Variants in FER observed in about 807,000 individuals in gnomAD.
FER encodes tyrosine-protein kinase Fer.
FER carries 63 observed loss-of-function variants against 111.0 expected under a neutral mutation model. That is an observed-to-expected ratio of 0.57 (90% confidence interval 0.46 to 0.70). The LOEUF is 0.70. Ranked by LOEUF, FER falls within the 30% of genes least tolerant of loss-of-function variation. FER has a pLI of 0.00. For synonymous variants in FER, 327 were observed against 313.9 expected, an observed-to-expected ratio of 1.04 and a Z score of -0.44; for missense variants, 914 against 954.0, an observed-to-expected ratio of 0.96 and a Z score of 0.55.
chr5:108,933,986 A>G (rs1357282959), intron 10 of FER, among the ~76,000 whole-genome samples: 2 of 152,146 alleles, frequency 1.3e-5, no homozygotes, highest in Admixed American at 1.3e-4. Context: ...TATCAGCTTA[A>G]GGAGATTTTG....
At chr5:108,817,768 G>C (rs1758432741) in intron 3 of FER, among the ~76,000 whole-genome samples, 1 of 152,116 alleles carries the variant, frequency 6.6e-6, no homozygotes, top group Non-Finnish European at 1.5e-5. Context: ...GGGCAAGAAA[G>C]GACTAATATG....
intron 10 of FER, among the ~76,000 whole-genome samples, chr5:108,926,682 T>C (rs958247887): frequency 6.6e-6 from 1 of 152,216 alleles, no homozygotes; most frequent in African/African-American, 2.4e-5. Flanking sequence ...GTACTTTTCA[T>C]TGTCAGTCTG....
At chr5:108,763,155 TAAG>T (rs1751950218) in intron 1 of FER, among the ~76,000 whole-genome samples, 1 of 150,840 alleles carries the variant, frequency 6.6e-6, no homozygotes, top group Non-Finnish European at 1.5e-5. Flanking sequence ...AATTAATAAA[TAAG>T]AAAAAAAAAA....
intron 17 of FER, among the ~76,000 whole-genome samples, chr5:109,105,684 A>G (rs977008836): frequency 1.3e-5 from 2 of 152,114 alleles, no homozygotes; most frequent in African/African-American, 4.8e-5. Flanking sequence ...TGCTGACTCC[A>G]TTCTGACACA....
At chr5:108,912,525 C>G (rs992202323) in intron 10 of FER, among the ~76,000 whole-genome samples, 7 of 152,112 alleles carry the variant, frequency 4.6e-5, no homozygotes, top group Non-Finnish European at 8.8e-5. Context: ...CCAAGCCTGG[C>G]TAATTTTTGT....
intron 5 of FER, among the ~76,000 whole-genome samples, chr5:108,860,333 G>A (rs1029974511): frequency 2.6e-5 from 4 of 151,932 alleles, no homozygotes; most frequent in African/African-American, 9.7e-5. Context: ...TTTAGCCTTT[G>A]CTATTAACTG....
intron 10 of FER, among the ~76,000 whole-genome samples, chr5:108,917,330 A>G (rs534609456): frequency 4.6e-5 from 7 of 152,140 alleles, no homozygotes; most frequent in Admixed American, 1.3e-4. Flanking sequence ...TTTTAAGGTG[A>G]TGGAGTAATT....
intron 5 of FER, among the ~76,000 whole-genome samples, chr5:108,847,156 CTT>C (rs112723359): frequency 2.1e-5 from 3 of 143,308 alleles, no homozygotes; most frequent in African/African-American, 2.6e-5. Context: ...TCCTTAAATA[CTT>C]TTTTTTTTTG....
intron 17 of FER, among the ~76,000 whole-genome samples, chr5:109,113,951 A>T (rs1387847463): frequency 6.6e-6 from 1 of 152,068 alleles, no homozygotes; most frequent in Non-Finnish European, 1.5e-5. Context: ...AAACAAGATT[A>T]AAAAAATAGA....
intron 13 of FER, chr5:109,014,953 T>G (rs1329147701): frequency 1.3e-5 from 2 of 152,176 alleles, no homozygotes; most frequent in African/African-American, 4.8e-5. Context: ...TGTTTGCTTT[T>G]AAAGTTATCT....
At chr5:108,860,320 T>C (rs1763397634) in intron 5 of FER, among the ~76,000 whole-genome samples, 1 of 152,200 alleles carries the variant, frequency 6.6e-6, no homozygotes, top group Non-Finnish European at 1.5e-5. Flanking sequence ...ATTCTGTGCT[T>C]TATTTAGCCT....
intron 17 of FER, among the ~76,000 whole-genome samples, chr5:109,126,467 G>A (rs1751743375): frequency 6.6e-6 from 1 of 152,112 alleles, no homozygotes; most frequent in African/African-American, 2.4e-5. Context: ...CTTGATTTCA[G>A]GGCTAGGCCC....
At chr5:108,772,707 A>G (rs1753057198) in intron 2 of FER, among the ~76,000 whole-genome samples, 1 of 152,214 alleles carries the variant, frequency 6.6e-6, no homozygotes, top group African/African-American at 2.4e-5. Flanking sequence ...GTTAAAGATA[A>G]GAAAACTGGG....
chr5:109,077,321 C>A (rs1481432809), intron 16 of FER, among the ~76,000 whole-genome samples: 1 of 152,060 alleles, frequency 6.6e-6, no homozygotes, highest in Non-Finnish European at 1.5e-5. Context: ...TTGATTTTTA[C>A]CTTATTATAT....
At chr5:108,754,837 A>G (rs896471556) in intron 1 of FER, among the ~76,000 whole-genome samples, 3 of 152,258 alleles carry the variant, frequency 2.0e-5, no homozygotes, top group Non-Finnish European at 4.4e-5. Context: ...GAATGTAAAA[A>G]TGCTCTTTAC....
chr5:108,901,334 A>T (rs999558343), intron 10 of FER, among the ~76,000 whole-genome samples: 1 of 152,140 alleles, frequency 6.6e-6, no homozygotes, highest in African/African-American at 2.4e-5. Flanking sequence ...AGGAGTGAAG[A>T]TGCATATAAG....
At chr5:108,840,888 T>A (rs1415731221) in intron 5 of FER, among the ~76,000 whole-genome samples, 1 of 152,168 alleles carries the variant, frequency 6.6e-6, no homozygotes, top group Non-Finnish European at 1.5e-5. Flanking sequence ...AGAGATACAT[T>A]GGCATGTGTG....
intron 11 of FER, among the ~76,000 whole-genome samples, chr5:108,947,788 C>G (rs781741096): frequency 2.7e-5 from 4 of 150,892 alleles, no homozygotes; most frequent in Non-Finnish European, 4.4e-5. Context: ...TGTTTGTTTT[C>G]TTCTTAGAGT....
chr5:109,002,092 T>G (rs1433572700), intron 13 of FER, among the ~76,000 whole-genome samples: 9 of 151,180 alleles, frequency 6.0e-5, no homozygotes, highest in Non-Finnish European at 8.9e-5. Flanking sequence ...AAGCTACCAA[T>G]GACTTTCTTC....
Sources: gnomAD v4.1 joint callset for allele counts (sites outside exome capture counted in the v4.1 genomes callset) on GRCh38, gnomAD v4.1.1 for gene constraint, MANE v1.5 for transcripts, NCBI Gene and HGNC (gene_info 2026-07-23, HGNC 2026-07-21) for gene names.